RSPH14: variants seen among roughly 807,000 people sequenced by gnomAD.
RSPH14 encodes radial spoke head 14 homolog.
RSPH14 carries 20 observed loss-of-function variants against 26.7 expected under a neutral mutation model. The ratio of observed to expected loss-of-function variants is 0.75; its 90% CI spans 0.53 to 1.09. The LOEUF (loss-of-function observed/expected upper bound fraction) is 1.09, where lower values mean the gene tolerates loss of function less well. Ranked by LOEUF, RSPH14 falls within the 50% of genes least tolerant of loss-of-function variation. The pLI, the probability that RSPH14 is intolerant of heterozygous loss-of-function variation, is 0.00. For synonymous variants in RSPH14, 177 were observed against 189.3 expected, an observed-to-expected ratio of 0.93 and a Z score of 0.53; for missense variants, 449 against 457.2, an observed-to-expected ratio of 0.98 and a Z score of 0.16.
intron 4 of RSPH14, among the ~76,000 whole-genome samples, chr22:23,108,421 A>G (rs2146353734): frequency 6.6e-6 from 1 of 152,370 alleles, no homozygotes; most frequent in Non-Finnish European, 1.5e-5. Flanking sequence ...AACCCAAAAG[A>G]GCAGCCCATG....
chr22:23,171,400 AC>A, the RSPH14 span, among the ~76,000 whole-genome samples: 1 of 151,560 alleles, frequency 6.6e-6, no homozygotes, highest in African/African-American at 2.4e-5. Context: ...AAAGCCCAGA[AC>A]TCCTAGATTC....
At chr22:23,123,446 G>T (rs1260728918) in intron 4 of RSPH14, 2 of 1,565,046 alleles carry the variant, frequency 1.3e-6, no homozygotes, top group South Asian at 2.2e-5. Flanking sequence ...CTGGGCCCGG[G>T]GCCCGCCTGC....
At chr22:23,144,507 T>C (rs1266470820), upstream of RSPH14, among the ~76,000 whole-genome samples, 1 of 152,258 alleles carries the variant, frequency 6.6e-6, no homozygotes, top group East Asian at 1.9e-4. Context: ...GTGGAACAAC[T>C]CACCTAAGTT....
intron 4 of RSPH14, among the ~76,000 whole-genome samples, chr22:23,102,915 T>C (rs368522748): frequency 1.2e-4 from 18 of 152,190 alleles, no homozygotes; most frequent in African/African-American, 3.9e-4. Context: ...CAACAGGAGG[T>C]CAGCCAGCGT....
the RSPH14 span, among the ~76,000 whole-genome samples, chr22:23,174,355 G>A: frequency 3.3e-5 from 5 of 151,558 alleles, no homozygotes; most frequent in Non-Finnish European, 5.9e-5. Flanking sequence ...AGTGAGCTAG[G>A]ATTGCAATAA....
At chr22:23,179,977 A>G in the RSPH14 span, 1 of 320,492 alleles carries the variant, frequency 3.1e-6, no homozygotes, top group Non-Finnish European at 5.8e-6. Context: ...GGTCTTGCAG[A>G]TGCCCACGAT....
intron 4 of RSPH14, chr22:23,124,078 A>G (rs1043279663): frequency 9.0e-6 from 2 of 222,324 alleles, no homozygotes; most frequent in Admixed American, 1.1e-4. Flanking sequence ...GCAAAAACCA[A>G]TACAACAAAA....
chr22:23,115,852 G>A (rs1375038111), intron 4 of RSPH14, among the ~76,000 whole-genome samples: 2 of 152,244 alleles, frequency 1.3e-5, no homozygotes, highest in African/African-American at 4.8e-5. Flanking sequence ...TCCTAGCAGA[G>A]TTACTCATTC....
chr22:23,062,824 C>T (rs1205662737), intron 5 of RSPH14, among the ~76,000 whole-genome samples: 1 of 152,234 alleles, frequency 6.6e-6, no homozygotes, highest in African/African-American at 2.4e-5. Context: ...AAGAGCGATG[C>T]AGGGATTCCC....
the RSPH14 span, among the ~76,000 whole-genome samples, chr22:23,171,537 A>T: frequency 6.6e-5 from 10 of 152,168 alleles, no homozygotes; most frequent in African/African-American, 2.2e-4. Flanking sequence ...ATACATGTAC[A>T]TACACATTCA....
chr22:23,169,890 C>T, the RSPH14 span, among the ~76,000 whole-genome samples: 1 of 151,988 alleles, frequency 6.6e-6, no homozygotes, highest in African/African-American at 2.4e-5. Context: ...ATCGCTTGAG[C>T]TCAGGAATTC....
At chr22:23,175,916 C>T in the RSPH14 span, among the ~76,000 whole-genome samples, 1 of 152,234 alleles carries the variant, frequency 6.6e-6, no homozygotes. Context: ...CGCTCAGACT[C>T]CAGGGTCCCC....
At chr22:23,131,415 G>T (rs947658784) in intron 4 of RSPH14, 12 of 261,880 alleles carry the variant, frequency 4.6e-5, no homozygotes, top group South Asian at 1.2e-4. Flanking sequence ...GCTCTGGGTG[G>T]GGGGAGGTTC....
At chr22:23,112,895 G>A (rs1173289847) in intron 4 of RSPH14, among the ~76,000 whole-genome samples, 1 of 152,180 alleles carries the variant, frequency 6.6e-6, no homozygotes, top group Non-Finnish European at 1.5e-5. Flanking sequence ...GCTCCAGCTG[G>A]GCAGAGCTAC....
the RSPH14 span, among the ~76,000 whole-genome samples, chr22:23,165,036 C>G: frequency 1.1e-4 from 16 of 152,166 alleles, no homozygotes; most frequent in African/African-American, 3.9e-4. Flanking sequence ...ACCCCCACAG[C>G]TCTCGCAGCA....
chr22:23,165,007 C>T, the RSPH14 span, among the ~76,000 whole-genome samples: 4 of 152,028 alleles, frequency 2.6e-5, no homozygotes, highest in African/African-American at 4.8e-5. Flanking sequence ...CCCCTACTCC[C>T]AGAGAGGCCT....
intron 4 of RSPH14, chr22:23,132,669 GA>G: frequency 6.6e-6 from 1 of 152,084 alleles, no homozygotes; most frequent in Middle Eastern, 3.2e-3. Flanking sequence ...AAATCACCTG[GA>G]ACTCTCATAT....
chr22:23,123,532 C>T (rs2070091695), intron 4 of RSPH14: 2 of 707,532 alleles, frequency 2.8e-6, no homozygotes, highest in Non-Finnish European at 4.8e-6. Flanking sequence ...AAACAGGGGG[C>T]CTAAAGAATG....
rs1247182760 is a variant in RSPH14, at chr22:23,140,454, G to C, written c.-34C>G. 3 of 1,609,626 alleles carry C rather than the reference G, an allele frequency of 1.9e-6. No homozygotes were observed. Among genetic ancestry groups the C allele is most frequent in the Admixed American group, 3.4e-5 (2 of 59,126 alleles). On this transcript the variant is annotated 5_prime_UTR_variant, in exon 2 of 7. Coordinates refer to ENST00000216036, the MANE Select transcript of RSPH14 (RefSeq NM_014433.3). The stretch of plus-strand genomic sequence containing the variant: ...AACTACAGAGGCCTTTCCAAATGAA[G>C]CTCTGCAGAAACCACTCACTAAAAG...
Sources: allele counts gnomAD v4.1 joint callset (sites outside exome capture counted in the v4.1 genomes callset), GRCh38; gene constraint gnomAD v4.1.1; transcripts MANE v1.5; gene names NCBI Gene and HGNC (gene_info 2026-07-23, HGNC 2026-07-21).